ZNF140: variants seen among roughly 807,000 people sequenced by gnomAD.
The protein encoded by ZNF140 is zinc finger protein 140.
A neutral mutation model predicts 12.9 loss-of-function variants in ZNF140; 13 were observed. That is an observed-to-expected ratio of 1.01 (90% confidence interval 0.66 to 1.60). ZNF140 has a LOEUF of 1.60. ZNF140 is among the 40% of genes most tolerant of loss of function. ZNF140 has a pLI of 0.00. For missense variants in ZNF140, 531 were observed against 548.8 expected, an observed-to-expected ratio of 0.97 and a Z score of 0.32; for synonymous variants, 214 against 186.7, an observed-to-expected ratio of 1.15 and a Z score of -1.19.
upstream of ZNF140, chr12:133,080,911 G>A (rs1954447480): frequency 6.5e-6 from 1 of 153,116 alleles, no homozygotes; most frequent in African/African-American, 2.4e-5. Context: ...GCCCTGGGGG[G>A]CGGCGCCGAG....
intron 4 of ZNF140, among the ~76,000 whole-genome samples, chr12:133,095,725 A>G (rs553402090): frequency 2.0e-5 from 3 of 151,568 alleles, no homozygotes; most frequent in Non-Finnish European, 2.9e-5. Context: ...GGTCAGCAAA[A>G]AACATGTGAG....
At chr12:133,101,010 CAGAGG>C (rs1487160320) in intron 4 of ZNF140, 6 of 454,458 alleles carry the variant, frequency 1.3e-5, no homozygotes, top group African/African-American at 4.0e-5. Flanking sequence ...TGAAAAACTA[CAGAGG>C]AGAGGACTAC....
intron 4 of ZNF140, among the ~76,000 whole-genome samples, chr12:133,083,801 TA>T (rs1181166814): frequency 3.3e-5 from 5 of 151,830 alleles, no homozygotes; most frequent in Non-Finnish European, 4.4e-5. Context: ...CTGCTAAAAA[TA>T]CAAAAAAATT....
chr12:133,096,355 A>G (rs1955126315), intron 4 of ZNF140, among the ~76,000 whole-genome samples: 1 of 152,180 alleles, frequency 6.6e-6, no homozygotes, highest in Non-Finnish European at 1.5e-5. Context: ...GGAAAGCTAC[A>G]AATTAACAAC....
intron 4 of ZNF140, among the ~76,000 whole-genome samples, chr12:133,094,344 T>G (rs1323405492): frequency 6.6e-6 from 1 of 151,070 alleles, no homozygotes; most frequent in African/African-American, 2.5e-5. Context: ...AAAAGCAAAT[T>G]TTTCAAAATC....
At chr12:133,091,057 T>A (rs1394118534) in intron 4 of ZNF140, among the ~76,000 whole-genome samples, 3 of 148,990 alleles carry the variant, frequency 2.0e-5, no homozygotes, top group Non-Finnish European at 4.5e-5. Flanking sequence ...CCTTCCTCTA[T>A]CTCAACTGCA....
intron 4 of ZNF140, among the ~76,000 whole-genome samples, chr12:133,090,790 A>G (rs1000535529): frequency 1.4e-5 from 2 of 139,946 alleles, no homozygotes; most frequent in African/African-American, 2.6e-5. Flanking sequence ...GGTCAGCAAA[A>G]AACATGTGAG....
chr12:133,104,570 C>T (rs754636113), intron 4 of ZNF140, among the ~76,000 whole-genome samples: 185 of 152,204 alleles, frequency 1.2e-3, no homozygotes, highest in Admixed American at 4.8e-3. Flanking sequence ...CCAGGCTGGT[C>T]TCGATCTCCT....
At chr12:133,100,605 T>C (rs1044658264) in intron 4 of ZNF140, among the ~76,000 whole-genome samples, 2 of 152,216 alleles carry the variant, frequency 1.3e-5, no homozygotes, top group Non-Finnish European at 2.9e-5. Flanking sequence ...TGCTGTAATC[T>C]TAGCAACCTC....
intron 2 of ZNF140, chr12:133,082,515 CT>C: frequency 6.5e-6 from 1 of 152,936 alleles, no homozygotes; most frequent in South Asian, 2.1e-4. Flanking sequence ...GCTTTAGGTT[CT>C]GTCCTGGGAG....
intron 4 of ZNF140, among the ~76,000 whole-genome samples, chr12:133,103,910 A>C (rs1955461923): frequency 6.6e-6 from 1 of 152,218 alleles, no homozygotes; most frequent in South Asian, 2.1e-4. Flanking sequence ...TTTTATCTGC[A>C]TTGACACAAT....
intron 4 of ZNF140, among the ~76,000 whole-genome samples, chr12:133,093,826 C>G (rs1954978471): frequency 1.3e-5 from 2 of 150,936 alleles, no homozygotes; most frequent in African/African-American, 2.5e-5. Flanking sequence ...CACACTTTAT[C>G]TCCAGTTTCA....
intron 4 of ZNF140, chr12:133,093,342 C>G (rs1018758853): frequency 3.0e-6 from 2 of 667,426 alleles, no homozygotes; most frequent in Admixed American, 2.2e-5. Flanking sequence ...GGGAGACTTA[C>G]CACCGTTGAT....
At chr12:133,084,101 T>G in intron 4 of ZNF140, 1 of 414,534 alleles carries the variant, frequency 2.4e-6, no homozygotes, top group East Asian at 7.4e-5. Flanking sequence ...TATACTTTCT[T>G]TTCTTTCTCA....
At chr12:133,082,562 T>C (rs900450086) in intron 2 of ZNF140, 1 of 153,940 alleles carries the variant, frequency 6.5e-6, no homozygotes, top group African/African-American at 2.4e-5. Context: ...CAAGATTCTT[T>C]ATTGCTTATC....
intron 4 of ZNF140, among the ~76,000 whole-genome samples, chr12:133,102,745 T>G (rs1160449812): frequency 8.0e-6 from 1 of 124,672 alleles, no homozygotes. Context: ...CGAGACTCCG[T>G]TTCTTAAAAA....
intron 4 of ZNF140, chr12:133,093,372 G>A (rs1220875794): frequency 1.5e-6 from 1 of 687,398 alleles, no homozygotes; most frequent in African/African-American, 1.8e-5. Flanking sequence ...AAAGCTGCAA[G>A]CAGCATATTC....
At chr12:133,087,925 G>T (rs1226015695) in intron 4 of ZNF140, among the ~76,000 whole-genome samples, 4 of 152,140 alleles carry the variant, frequency 2.6e-5, no homozygotes, top group African/African-American at 9.7e-5. Flanking sequence ...GAGGTCAGGA[G>T]TTCAAGACCA....
rs1405743946 is a variant in ZNF140, at chr12:133,106,758, C to T, written c.*107C>T. Reference sequence around the variant, plus strand: ...AAGAAGCCTTATGTGAAAGTGATGACTGTGAAGTAATATGGCCCACACTTT... The same window carrying T: ...AAGAAGCCTTATGTGAAAGTGATGATTGTGAAGTAATATGGCCCACACTTT... On this transcript the variant is annotated 3_prime_UTR_variant, in exon 5 of 5. Transcript: ENST00000355557. 5.7e-6 allele frequency: 6 copies of T among 1,057,892 alleles called. No individual in the cohort carries two copies. Among genetic ancestry groups the T allele is most frequent in the Non-Finnish European group, 7.9e-6 (6 of 758,060 alleles). The allele number at this position is 1,057,892 out of a possible 1,614,324, so 65.5% of individuals were successfully genotyped here. A position where few individuals can be genotyped will look rare whatever the true frequency, so the allele number is the denominator to read the frequency against.
Sources: allele counts gnomAD v4.1 joint callset (sites outside exome capture counted in the v4.1 genomes callset), GRCh38; gene constraint gnomAD v4.1.1; transcripts MANE v1.5; gene names NCBI Gene and HGNC (gene_info 2026-07-23, HGNC 2026-07-21).